The following PIKFYVE variants were observed in gnomAD, a reference collection of about 807,000 sequenced individuals.
The protein encoded by PIKFYVE is 1-phosphatidylinositol 3-phosphate 5-kinase.
PIKFYVE carries 122 observed loss-of-function variants against 257.9 expected under a neutral mutation model. That is an observed-to-expected ratio of 0.47 (90% CI 0.41 to 0.55). The LOEUF is 0.55. PIKFYVE is among the 20% of genes least tolerant of loss of function. PIKFYVE has a pLI of 0.00. For missense variants in PIKFYVE, 2,160 were observed against 2,536.6 expected, an observed-to-expected ratio of 0.85 and a Z score of 3.19; for synonymous variants, 892 against 868.9, an observed-to-expected ratio of 1.03 and a Z score of -0.47.
chr2:208,353,786 G>A (rs1473726297), intron 39 of PIKFYVE, 112 bp from the exon 40 acceptor site: 1 of 1,228,034 alleles, frequency 8.1e-7, no homozygotes, highest in Non-Finnish European at 1.2e-6. Context: ...ACTTTGGAGT[G>A]TGTGTAATGG....
intron 34 of PIKFYVE, 35 bp from the exon 35 acceptor site, chr2:208,347,824 G>A (rs1251887947): frequency 6.4e-7 from 1 of 1,558,446 alleles, no homozygotes. Flanking sequence ...GTAGTGACCT[G>A]TACTTAAAAT....
chr2:208,296,315 A>G (rs1387010072), intron 7 of PIKFYVE, among the ~76,000 whole-genome samples: 1 of 152,126 alleles, frequency 6.6e-6, no homozygotes, highest in Non-Finnish European at 1.5e-5. Context: ...GAAACAGACA[A>G]ATTCTAAATA....
At chr2:208,315,401 C>CTAG in intron 15 of PIKFYVE, 28 bp downstream of exon 15, 2 of 1,610,808 alleles carry the variant, frequency 1.2e-6, no homozygotes, top group Non-Finnish European at 1.7e-6. Context: ...TTTACTAATG[C>CTAG]TAGGAACTGA....
intron 18 of PIKFYVE, among the ~76,000 whole-genome samples, chr2:208,324,655 A>G (rs1054143196): frequency 7.2e-5 from 11 of 152,152 alleles, no homozygotes; most frequent in African/African-American, 2.4e-4. Context: ...TTCTCCCCAC[A>G]TTATCTTGTG....
At chr2:208,288,104 CAAAT>C (rs1487170899) in intron 6 of PIKFYVE, among the ~76,000 whole-genome samples, 1 of 152,100 alleles carries the variant, frequency 6.6e-6, no homozygotes, top group African/African-American at 2.4e-5. Flanking sequence ...TTTAACAAAA[CAAAT>C]CAGGTAAGAA....
chr2:208,341,179 C>A (rs555730473), intron 31 of PIKFYVE, among the ~76,000 whole-genome samples: 7 of 151,574 alleles, frequency 4.6e-5, no homozygotes, highest in Non-Finnish European at 8.8e-5. Flanking sequence ...GGCTAATTTT[C>A]GTATTTTTAG....
intron 12 of PIKFYVE, 120 bp downstream of exon 12, chr2:208,305,133 GT>G: frequency 6.4e-7 from 1 of 1,554,234 alleles, no homozygotes; most frequent in Non-Finnish European, 8.7e-7. Context: ...TTTGGTGTGG[GT>G]TTTGTTCTAC....
At chr2:208,349,093 G>GT (rs1382911614) in intron 35 of PIKFYVE, among the ~76,000 whole-genome samples, 3 of 152,152 alleles carry the variant, frequency 2.0e-5, no homozygotes, top group African/African-American at 4.8e-5. Context: ...AACCCAGGAG[G>GT]TATAGGTTGC....
chr2:208,306,283 G>A (rs1694304186), intron 12 of PIKFYVE, among the ~76,000 whole-genome samples: 1 of 152,134 alleles, frequency 6.6e-6, no homozygotes, highest in Non-Finnish European at 1.5e-5. Flanking sequence ...AGAATATTTG[G>A]GTGAGTATGA....
At chr2:208,333,704 C>T (rs1197421380) in intron 24 of PIKFYVE, among the ~76,000 whole-genome samples, 2 of 152,188 alleles carry the variant, frequency 1.3e-5, no homozygotes, top group Non-Finnish European at 2.9e-5. Context: ...TCCTCACTTA[C>T]AGAGCTTACG....
intron 2 of PIKFYVE, 39 bp downstream of exon 2, chr2:208,271,730 G>T: frequency 6.3e-7 from 1 of 1,585,848 alleles, no homozygotes; most frequent in South Asian, 1.1e-5. Flanking sequence ...ATTCAGGTCT[G>T]ATTGTTTGAA....
intron 12 of PIKFYVE, among the ~76,000 whole-genome samples, chr2:208,308,802 G>A (rs555492186): frequency 6.6e-6 from 1 of 151,752 alleles, no homozygotes; most frequent in African/African-American, 2.4e-5. Flanking sequence ...CCGCCTTCCG[G>A]GTTAAAGTGA....
chr2:208,318,278 C>A (rs1444377103), intron 16 of PIKFYVE, among the ~76,000 whole-genome samples: 1 of 152,164 alleles, frequency 6.6e-6, no homozygotes, highest in Non-Finnish European at 1.5e-5. Flanking sequence ...GGAGTCCTTC[C>A]AGAGGCTTAG....
intron 20 of PIKFYVE, 63 bp from the exon 21 acceptor site, chr2:208,328,117 T>C: frequency 6.2e-7 from 1 of 1,610,790 alleles, no homozygotes; most frequent in Non-Finnish European, 8.5e-7. Flanking sequence ...GGAGTGTGTT[T>C]GGTGCATTGG....
intron 1 of PIKFYVE, among the ~76,000 whole-genome samples, 180 bp from the exon 2 acceptor site, chr2:208,271,331 T>G (rs1559381855): frequency 6.6e-6 from 1 of 152,218 alleles, no homozygotes; most frequent in Non-Finnish European, 1.5e-5. Context: ...GGGGCTCTTA[T>G]GATTTAGATA....
At chr2:208,330,955 C>T (rs1438155539) in intron 23 of PIKFYVE, among the ~76,000 whole-genome samples, 1 of 152,008 alleles carries the variant, frequency 6.6e-6, no homozygotes, top group East Asian at 1.9e-4. Flanking sequence ...TGTATCATGA[C>T]ATATCTCAAT....
chr2:208,344,132 C>T (rs6435449), intron 32 of PIKFYVE, among the ~76,000 whole-genome samples: 141,577 of 152,224 alleles, frequency 0.93, 66,362 homozygotes, highest in Non-Finnish European at 0.98. Context: ...ATCTTAAGAA[C>T]ATCTTGGTGG....
intron 15 of PIKFYVE, among the ~76,000 whole-genome samples, chr2:208,315,794 C>T (rs1695435381): frequency 6.6e-6 from 1 of 151,856 alleles, no homozygotes; most frequent in African/African-American, 2.4e-5. Flanking sequence ...GAATCTGGCC[C>T]AACACCAATT....
chr2:208,277,310 G>T (rs985184779), intron 4 of PIKFYVE, among the ~76,000 whole-genome samples: 4 of 152,112 alleles, frequency 2.6e-5, no homozygotes, highest in African/African-American at 7.2e-5. Flanking sequence ...CCAGTACCCT[G>T]TCTAAAATTA....
Sources: allele counts gnomAD v4.1 joint callset (sites outside exome capture counted in the v4.1 genomes callset), GRCh38; gene constraint gnomAD v4.1.1; transcripts MANE v1.5; gene names NCBI Gene and HGNC (gene_info 2026-07-23, HGNC 2026-07-21).